FAM3D: variants seen among roughly 807,000 people sequenced by gnomAD.
The protein encoded by FAM3D is protein FAM3D.
A neutral mutation model predicts 29.8 loss-of-function variants in FAM3D; 26 were observed. The ratio of observed to expected loss-of-function variants is 0.87; its 90% CI spans 0.64 to 1.21. The LOEUF (loss-of-function observed/expected upper bound fraction) is 1.21, where lower values mean the gene tolerates loss of function less well. Ranked by LOEUF, FAM3D falls within the 50% of genes most tolerant of loss-of-function variation. The probability of loss-of-function intolerance (pLI) is 0.00; values close to 1 mark genes in which losing one functional copy is unlikely to be tolerated. For missense variants in FAM3D, 253 were observed against 290.9 expected, an observed-to-expected ratio of 0.87 and a Z score of 0.95; for synonymous variants, 115 against 102.3, an observed-to-expected ratio of 1.12 and a Z score of -0.75.
chr3:58,641,743 A>G (rs970841751), intron 6 of FAM3D, among the ~76,000 whole-genome samples: 8 of 152,212 alleles, frequency 5.3e-5, no homozygotes, highest in African/African-American at 1.9e-4. Flanking sequence ...TAACACAGTG[A>G]TGGGGTTAAA....
chr3:58,637,099 T>C, intron 8 of FAM3D, 42 bp downstream of exon 8: 1 of 1,555,206 alleles, frequency 6.4e-7, no homozygotes, highest in Non-Finnish European at 8.9e-7. Context: ...GGTATTCAGT[T>C]TGCATCACTG....
At chr3:58,644,901 T>G (rs1040830680) in intron 5 of FAM3D, among the ~76,000 whole-genome samples, 2 of 152,232 alleles carry the variant, frequency 1.3e-5, no homozygotes, top group African/African-American at 4.8e-5. Flanking sequence ...CCCTGGTCTT[T>G]TAGGTATTTG....
intron 1 of FAM3D, among the ~76,000 whole-genome samples, chr3:58,663,078 T>C (rs1317438013): frequency 6.6e-6 from 1 of 152,224 alleles, no homozygotes; most frequent in Non-Finnish European, 1.5e-5. Flanking sequence ...ATTGTATTTT[T>C]AGTAGAGACA....
At chr3:58,658,497 C>A (rs60860981) in intron 1 of FAM3D, among the ~76,000 whole-genome samples, 7,709 of 152,210 alleles carry the variant, frequency 0.051, 215 homozygotes, top group Middle Eastern at 0.065. Flanking sequence ...TTGCGAGTCC[C>A]TCTGTCTGAA....
chr3:58,648,877 G>C (rs1483484939), intron 4 of FAM3D, among the ~76,000 whole-genome samples: 5 of 152,140 alleles, frequency 3.3e-5, no homozygotes, highest in African/African-American at 1.2e-4. Context: ...TTTGTCTCTG[G>C]GGCCCCTGTA....
chr3:58,659,047 A>G (rs1041470490), intron 1 of FAM3D, among the ~76,000 whole-genome samples: 3 of 152,124 alleles, frequency 2.0e-5, no homozygotes, highest in Non-Finnish European at 2.9e-5. Context: ...GCCACTTACT[A>G]GTTGTGTGTT....
intron 3 of FAM3D, among the ~76,000 whole-genome samples, chr3:58,652,982 T>G (rs118173867): frequency 4.4e-5 from 6 of 135,896 alleles, no homozygotes; most frequent in South Asian, 2.5e-4. Flanking sequence ...CCATCCGTTT[T>G]TTTTTTTTCA....
chr3:58,649,189 G>A (rs994219981), intron 4 of FAM3D, 126 bp downstream of exon 4: 13 of 1,183,924 alleles, frequency 1.1e-5, no homozygotes, highest in Non-Finnish European at 1.5e-5. Flanking sequence ...GAATCAGGAA[G>A]CCCAGGTTTC....
intron 4 of FAM3D, 29 bp downstream of exon 4, chr3:58,649,286 G>T: frequency 6.2e-7 from 1 of 1,611,820 alleles, no homozygotes; most frequent in Non-Finnish European, 8.5e-7. Flanking sequence ...ATGAGGTCGG[G>T]GGAGGTGTGG....
intron 1 of FAM3D, among the ~76,000 whole-genome samples, chr3:58,659,818 AT>A (rs1248627716): frequency 6.6e-6 from 1 of 152,050 alleles, no homozygotes; most frequent in Non-Finnish European, 1.5e-5. Context: ...CATTACTAAC[AT>A]TTTTCTCCGA....
At chr3:58,644,655 T>C (rs951041201) in intron 5 of FAM3D, among the ~76,000 whole-genome samples, 1 of 152,246 alleles carries the variant, frequency 6.6e-6, no homozygotes, top group Non-Finnish European at 1.5e-5. Context: ...TTGGGACTTT[T>C]GCAGGGATAA....
intron 1 of FAM3D, among the ~76,000 whole-genome samples, chr3:58,659,171 G>A (rs2106943060): frequency 1.3e-5 from 2 of 152,276 alleles, no homozygotes; most frequent in African/African-American, 2.4e-5. Context: ...GAAGGGGTCC[G>A]CCGTCCTGGC....
chr3:58,636,163 C>G (rs2066163702), intron 9 of FAM3D, 131 bp downstream of exon 9: 1 of 1,405,020 alleles, frequency 7.1e-7, no homozygotes, highest in African/African-American at 1.4e-5. Flanking sequence ...GAGTGAATGA[C>G]AGCCAGGGGC....
chr3:58,643,908 C>A (rs2066405633), intron 5 of FAM3D, among the ~76,000 whole-genome samples, 188 bp from the exon 6 acceptor site: 2 of 152,216 alleles, frequency 1.3e-5, no homozygotes, highest in South Asian at 4.1e-4. Context: ...TGAAGAGTTT[C>A]TCAAGGCATG....
At chr3:58,645,457 G>GAAATAAAATA (rs111621495) in intron 5 of FAM3D, 52 bp downstream of exon 5, 35,060 of 1,188,124 alleles carry the variant, frequency 0.03, 881 homozygotes, top group Middle Eastern at 0.048. Context: ...ATGAATGAAT[G>GAAATAAAATA]AAATAAAATA....
chr3:58,634,276 A>C lies in FAM3D; in HGVS notation c.*3T>G. 1.2e-6 allele frequency: 2 copies of C among 1,613,562 alleles called. No homozygotes were observed. The highest frequency in any genetic ancestry group is 1.7e-6 in the Non-Finnish European group (2 of 1,179,896). ...CCCTGGCTGAGGAAGAGCCACAGCCACCCTAAAATGGCTTCGGGGGCATGC... is the reference window on the plus strand; with the variant it reads ...CCCTGGCTGAGGAAGAGCCACAGCCCCCCTAAAATGGCTTCGGGGGCATGC... On this transcript the variant is annotated 3_prime_UTR_variant, in exon 10 of 10. Transcript: ENST00000358781. The surrounding 1 kb of genome is among the most constrained non-coding windows in gnomAD (Gnocchi z 4.6).
At chr3:58,640,591 T>G (rs2066299389) in intron 6 of FAM3D, among the ~76,000 whole-genome samples, 1 of 152,222 alleles carries the variant, frequency 6.6e-6, no homozygotes, top group Admixed American at 6.5e-5. Flanking sequence ...CAGTCGTCAT[T>G]ATTATTCCCA....
At chr3:58,644,936 TAAAC>T (rs2066433353) in intron 5 of FAM3D, among the ~76,000 whole-genome samples, 1 of 152,234 alleles carries the variant, frequency 6.6e-6, no homozygotes. Context: ...TTGTTTTGCT[TAAAC>T]AAACTGTGGT....
intron 1 of FAM3D, among the ~76,000 whole-genome samples, chr3:58,662,873 C>T (rs1406585052): frequency 6.6e-6 from 1 of 152,206 alleles, no homozygotes; most frequent in East Asian, 1.9e-4. Context: ...GCTGGTGGCC[C>T]AAGCCAAGAA....
Sources: gnomAD v4.1 joint callset for allele counts (sites outside exome capture counted in the v4.1 genomes callset) on GRCh38, gnomAD v4.1.1 for gene constraint, Gnocchi (gnomAD v3.1) non-coding constraint, MANE v1.5 for transcripts, NCBI Gene and HGNC (gene_info 2026-07-23, HGNC 2026-07-21) for gene names.